The following ELFN1 variants were observed in gnomAD, a reference collection of about 807,000 sequenced individuals.
The protein encoded by ELFN1 is extracellular leucine rich repeat and fibronectin type III domain containing 1.
A neutral mutation model predicts 7.6 loss-of-function variants in ELFN1; 6 were observed. That is an observed-to-expected ratio of 0.79 (90% confidence interval 0.43 to 1.56). ELFN1 has a LOEUF of 1.56. Among genes scored for constraint, ELFN1 ranks in the 40% most tolerant of loss-of-function variants. The pLI is 0.01. For missense variants in ELFN1, 1,169 were observed against 1,232.2 expected, an observed-to-expected ratio of 0.95 and a Z score of 0.77; for synonymous variants, 657 against 588.1, an observed-to-expected ratio of 1.12 and a Z score of -1.70.
At position 1,695,179 on chromosome 7, in the gene ELFN1, G is replaced by C. The variant is rs913271615; in HGVS notation, c.-456+7029G>C. On this transcript the variant is annotated intron_variant, in intron 2 of 3. Coordinates refer to ENST00000424383, the MANE Select transcript of ELFN1 (RefSeq NM_001128636.4). The surrounding 1 kb of genome is among the most constrained non-coding windows in gnomAD (Gnocchi z 5.1). ...AGCTCATGCGCAGCCCGCTGGGGCT[G>C]TGAGGGTTCTGTCCATCCACCAGGA... 1.3e-5 allele frequency among the ~76,000 whole-genome samples: 2 copies of C among 152,242 alleles called. No individual in the cohort carries two copies. The highest frequency in any genetic ancestry group is 4.8e-5 in the African/African-American group (2 of 41,470).
chr7:1,734,707 CTTTT>C (rs543161002), intron 3 of ELFN1, among the ~76,000 whole-genome samples: 1 of 145,064 alleles, frequency 6.9e-6, no homozygotes. Flanking sequence ...CTTTTTTTTT[CTTTT>C]TTTTTTTTGA....
At chr7:1,742,882 G>A (rs1473541598) in intron 3 of ELFN1, among the ~76,000 whole-genome samples, 10 of 152,150 alleles carry the variant, frequency 6.6e-5, no homozygotes, top group Non-Finnish European at 1.3e-4. Context: ...AATTTAAACC[G>A]CTTCAGTGCA....
chr7:1,700,971 A>G (rs1779414967), intron 2 of ELFN1, among the ~76,000 whole-genome samples: 1 of 152,200 alleles, frequency 6.6e-6, no homozygotes, highest in Non-Finnish European at 1.5e-5. Context: ...TTAATTCATA[A>G]GAGGTGTTTA....
At position 1,735,690 on chromosome 7, in the gene ELFN1, C is replaced by G. The variant is rs990063727; in HGVS notation, c.-293-8614C>G. On this transcript the variant is annotated intron_variant, in intron 3 of 3. Coordinates refer to ENST00000424383, the MANE Select transcript of ELFN1 (RefSeq NM_001128636.4). This position sits in a 1 kb window ranked among gnomAD's most constrained non-coding sequence, Gnocchi z 5.9. ...CCCCCTCTGTGGGCACCAGGTCCGGCAACTGTGCTGAAGGAAAACCCACAT... is the reference window on the plus strand; with the variant it reads ...CCCCCTCTGTGGGCACCAGGTCCGGGAACTGTGCTGAAGGAAAACCCACAT... Among the ~76,000 whole-genome samples, 1 of 152,222 alleles carries G rather than the reference C, an allele frequency of 6.6e-6. No individual in the cohort carries two copies. The highest frequency in any genetic ancestry group is 1.9e-4 in the East Asian group (1 of 5,164).
chr7:1,725,878 A>G (rs1583378114), intron 3 of ELFN1, among the ~76,000 whole-genome samples: 2 of 152,170 alleles, frequency 1.3e-5, no homozygotes, highest in Admixed American at 1.3e-4. Flanking sequence ...CACTCGCACA[A>G]AAATCACACA....
chr7:1,685,917 ATAAG>A (rs1277286682), intron 1 of ELFN1, among the ~76,000 whole-genome samples: 2 of 147,860 alleles, frequency 1.4e-5, no homozygotes, highest in Non-Finnish European at 1.5e-5. Context: ...AACGGTTTAT[ATAAG>A]TATTAAAATA....
In ELFN1 at chr7:1,728,131, C is replaced by T. The variant is rs535996866; in HGVS notation, c.-293-16173C>T. On this transcript the variant is annotated intron_variant, in intron 3 of 3. Coordinates refer to ENST00000424383, the MANE Select transcript of ELFN1 (RefSeq NM_001128636.4). ...GGCCTCTCTTTTTGCCTCTCCTGCT[C>T]CAGGTTGCGAGGACAGGCTTTCCCT... 1.9e-3 allele frequency among the ~76,000 whole-genome samples: 280 copies of T among 151,022 alleles called. 3 individuals carry two copies. Among genetic ancestry groups the T allele is most frequent in the African/African-American group, 6.2e-3 (256 of 41,034 alleles).
chr7:1,713,873 G>C (rs1031559810), intron 3 of ELFN1, among the ~76,000 whole-genome samples: 2 of 151,922 alleles, frequency 1.3e-5, no homozygotes, highest in African/African-American at 4.8e-5. Flanking sequence ...CAGCACTGCC[G>C]CACGCCCGGC....
rs1778812314 is a variant in ELFN1, at chr7:1,673,715, G to A, written c.-549+3361G>A. On this transcript the variant is annotated intron_variant, in intron 1 of 3. Transcript: ENST00000424383. The surrounding 1 kb of genome is among the most constrained non-coding windows in gnomAD (Gnocchi z 4.7). ...TGGCATCCCCAGATGGAAAGACAAT[G>A]GTCTCACAAATAAATGTGCCTCCTT... Among the ~76,000 whole-genome samples the A allele has an allele frequency of 6.6e-6, 1 of 152,210 alleles. No individual in the cohort carries two copies. Among genetic ancestry groups the A allele is most frequent in the Non-Finnish European group, 1.5e-5 (1 of 68,040 alleles).
intron 2 of ELFN1, among the ~76,000 whole-genome samples, chr7:1,706,868 C>T (rs772779725): frequency 2.0e-5 from 3 of 152,186 alleles, no homozygotes; most frequent in Non-Finnish European, 4.4e-5. Flanking sequence ...AGGCTGTGCC[C>T]GAGGTGGTGC....
At chr7:1,724,420 C>T (rs976594016) in intron 3 of ELFN1, among the ~76,000 whole-genome samples, 1 of 152,212 alleles carries the variant, frequency 6.6e-6, no homozygotes, top group East Asian at 1.9e-4. Context: ...TGCGGCCCCA[C>T]CTCCCTGCTG....
chr7:1,671,170 G>C (rs1274546694), intron 1 of ELFN1, among the ~76,000 whole-genome samples: 5 of 138,258 alleles, frequency 3.6e-5, no homozygotes, highest in East Asian at 3.1e-4. Flanking sequence ...ACCGCACACC[G>C]CCCCCCCCCC....
At chr7:1,700,419 G>A (rs1779402773) in intron 2 of ELFN1, among the ~76,000 whole-genome samples, 1 of 152,172 alleles carries the variant, frequency 6.6e-6, no homozygotes, top group Admixed American at 6.5e-5. Context: ...TTCTGGATTC[G>A]CCTGTTTCTG....
chr7:1,745,195 G>A lies in ELFN1; in HGVS notation c.599G>A (p.Gly200Asp), dbSNP rs779459745. ...NPFYCSCELL[G>D]FLRWLAAFTN... ...TTCTACTGCTCCTGCGAGCTGCTGG[G>A]CTTCCTGCGCTGGCTGGCCGCCTTC... The change falls in exon 4 of 4, where the codon GGC becomes GAC. Residue 200 changes from glycine (G) to aspartate (D), a missense_variant. Physicochemically the swap from Gly to Asp is moderately conservative, Grantham distance 94. Coordinates refer to ENST00000424383, the MANE Select transcript of ELFN1 (RefSeq NM_001128636.4). 2.6e-6 allele frequency: 4 copies of A among 1,545,372 alleles called. No homozygotes were observed. Among genetic ancestry groups the A allele is most frequent in the Admixed American group, 2.0e-5 (1 of 50,988 alleles).
intron 3 of ELFN1, among the ~76,000 whole-genome samples, chr7:1,724,715 C>A (rs1252149408): frequency 6.6e-6 from 1 of 152,206 alleles, no homozygotes; most frequent in Non-Finnish European, 1.5e-5. Flanking sequence ...CGACTCCCCC[C>A]AGGGCCTGTC....
chr7:1,744,910 C>T lies in ELFN1; in HGVS notation c.314C>T (p.Ser105Leu), dbSNP rs1459803852. ...EIGYIEDGAF[S>L]GQFNLQVLQL... ...GGCTACATCGAGGACGGCGCCTTCT[C>T]GGGCCAGTTCAACCTGCAGGTGCTG... is the stretch of plus-strand genomic sequence containing the variant. Residue 105 changes from serine to leucine, a missense_variant, in exon 4 of 4, where the codon TCG becomes TTG. Around this residue, in one of 2 missense-constraint regions of ELFN1, gnomAD observed 255 missense variants for 359.6 expected, o/e 0.71. Coordinates refer to ENST00000424383, the MANE Select transcript of ELFN1 (RefSeq NM_001128636.4). The T allele has an allele frequency of 2.6e-6, 4 of 1,553,958 alleles. No homozygotes were observed. The highest frequency in any genetic ancestry group is 3.5e-6 in the Non-Finnish European group (4 of 1,148,216).
intron 1 of ELFN1, among the ~76,000 whole-genome samples, chr7:1,672,456 A>G (rs1778785646): frequency 6.6e-6 from 1 of 151,846 alleles, no homozygotes; most frequent in African/African-American, 2.4e-5. Flanking sequence ...CCTGTCTCGG[A>G]CCCCGGCATT....
At chr7:1,675,478 G>A (rs939046821) in intron 1 of ELFN1, among the ~76,000 whole-genome samples, 2 of 152,214 alleles carry the variant, frequency 1.3e-5, no homozygotes, top group Admixed American at 6.5e-5. Flanking sequence ...CGTGTTTACC[G>A]ACAGATCCGA....
chr7:1,741,074 G>C (rs1651071400), intron 3 of ELFN1, among the ~76,000 whole-genome samples: 1 of 147,806 alleles, frequency 6.8e-6, no homozygotes, highest in East Asian at 2.0e-4. Flanking sequence ...AGGTTGCAGT[G>C]AGCTGAGATT....
Sources: allele counts gnomAD v4.1 joint callset (sites outside exome capture counted in the v4.1 genomes callset), GRCh38; gene constraint gnomAD v4.1.1; regional missense constraint gnomAD v4.1.1; non-coding constraint Gnocchi (gnomAD v3.1); transcripts MANE v1.5; gene names NCBI Gene and HGNC (gene_info 2026-07-23, HGNC 2026-07-21).